EFHD1: variants seen among roughly 807,000 people sequenced by gnomAD.
EFHD1 encodes the protein EF-hand domain-containing protein D1.
A neutral mutation model predicts 17.2 loss-of-function variants in EFHD1; 10 were observed. The ratio of observed to expected loss-of-function variants is 0.58; its 90% confidence interval spans 0.36 to 0.99. The LOEUF (loss-of-function observed/expected upper bound fraction) is 0.99, where lower values mean the gene tolerates loss of function less well. Among genes scored for constraint, EFHD1 ranks in the 50% least tolerant of loss-of-function variants. EFHD1 has a pLI of 0.01. For synonymous variants in EFHD1, 153 were observed against 142.0 expected (o/e 1.08, Z -0.55); for missense variants, 310 against 327.5 (o/e 0.95, Z 0.41).
At chr2:232,637,982 T>A (rs1309310399) in intron 1 of EFHD1, among the ~76,000 whole-genome samples, 1 of 152,110 alleles carries the variant, frequency 6.6e-6, no homozygotes, top group Non-Finnish European at 1.5e-5. Flanking sequence ...TGGTGTGTTG[T>A]AGAAGAAAGA....
chr2:232,613,696 A>G (rs111837495), intron 1 of EFHD1, among the ~76,000 whole-genome samples: 1 of 146,490 alleles, frequency 6.8e-6, no homozygotes, highest in Non-Finnish European at 1.5e-5. Flanking sequence ...ACACAAATAT[A>G]CACACACATA....
intron 1 of EFHD1, among the ~76,000 whole-genome samples, chr2:232,657,324 C>T (rs1294993761): frequency 6.6e-6 from 1 of 152,120 alleles, no homozygotes; most frequent in Non-Finnish European, 1.5e-5. Flanking sequence ...ATGAGGTGCC[C>T]TTTTTGCGAC....
At chr2:232,646,846 C>T (rs1397800422) in intron 1 of EFHD1, among the ~76,000 whole-genome samples, 12 of 152,266 alleles carry the variant, frequency 7.9e-5, no homozygotes, top group Admixed American at 7.2e-4. Flanking sequence ...CCTCTTCCTG[C>T]AGTCCCCACG....
intron 1 of EFHD1, among the ~76,000 whole-genome samples, chr2:232,642,396 AAG>A: frequency 6.6e-6 from 1 of 150,704 alleles, no homozygotes; most frequent in African/African-American, 2.4e-5. Flanking sequence ...AAAAAAAAAA[AAG>A]ACAAATGAGA....
At chr2:232,624,062 C>T (rs976686073) in intron 1 of EFHD1, among the ~76,000 whole-genome samples, 1 of 152,196 alleles carries the variant, frequency 6.6e-6, no homozygotes, top group African/African-American at 2.4e-5. Flanking sequence ...TTCTTATAGC[C>T]ATGCCCAGGG....
upstream of EFHD1, chr2:232,633,395 A>AC: frequency 9.1e-7 from 1 of 1,094,644 alleles, no homozygotes; most frequent in African/African-American, 1.6e-5. Flanking sequence ...TCCCGGGGGG[A>AC]CGGTCAGCCT....
chr2:232,653,829 A>G (rs1336016653), intron 1 of EFHD1, among the ~76,000 whole-genome samples: 1 of 152,034 alleles, frequency 6.6e-6, no homozygotes, highest in Non-Finnish European at 1.5e-5. Context: ...TTTTCCTTCT[A>G]TGGGACTTGC....
chr2:232,606,069 C>T (rs1376946769), exon 1 of EFHD1: 1 of 1,431,264 alleles, frequency 7.0e-7, no homozygotes, highest in Non-Finnish European at 9.6e-7. Flanking sequence ...TAAGTGCAGG[C>T]GGATACCCCG....
chr2:232,665,424 T>G (rs141211169), intron 2 of EFHD1, among the ~76,000 whole-genome samples: 1 of 151,564 alleles, frequency 6.6e-6, no homozygotes, highest in Non-Finnish European at 1.5e-5. Flanking sequence ...TGTATTATAT[T>G]AACTTTTTTT....
rs112428731 is a variant in EFHD1, at chr2:232,646,886, G to A, written c.302+12880G>A. On this transcript the variant is annotated intron_variant, in intron 1 of 3. Transcript: ENST00000264059. The stretch of plus-strand genomic sequence containing the variant: ...GCCCAGGGCTTGGCCCAAGGCCATG[G>A]CAGAGTGGGCACCTTGACCTCTGTG... 4.7e-3 allele frequency among the ~76,000 whole-genome samples: 719 copies of A among 152,360 alleles called. 5 individuals are homozygous for A. Among genetic ancestry groups the A allele is most frequent in the Admixed American group, 7.3e-3 (112 of 15,308 alleles).
At chr2:232,624,736 T>A (rs992924672) in intron 1 of EFHD1, among the ~76,000 whole-genome samples, 1 of 152,228 alleles carries the variant, frequency 6.6e-6, no homozygotes, top group African/African-American at 2.4e-5. Context: ...GGTGAAGTCA[T>A]TGAGGGCTAT....
intron 1 of EFHD1, among the ~76,000 whole-genome samples, chr2:232,651,907 A>C (rs1388392502): frequency 6.6e-6 from 1 of 151,280 alleles, no homozygotes; most frequent in East Asian, 1.9e-4. Flanking sequence ...ATGAGGACTG[A>C]CCTGAAAATC....
At chr2:232,652,419 T>C (rs948734037) in intron 1 of EFHD1, among the ~76,000 whole-genome samples, 2 of 152,136 alleles carry the variant, frequency 1.3e-5, no homozygotes, top group African/African-American at 4.8e-5. Context: ...ACATCGTTCC[T>C]ACTGTACTCG....
intron 1 of EFHD1, among the ~76,000 whole-genome samples, chr2:232,634,738 G>A (rs1289569520): frequency 3.3e-5 from 5 of 152,242 alleles, no homozygotes; most frequent in Non-Finnish European, 7.3e-5. Context: ...CCACCTCGTC[G>A]CCTGGAACCT....
intron 3 of EFHD1, among the ~76,000 whole-genome samples, chr2:232,673,576 C>T (rs1695117486): frequency 6.6e-6 from 1 of 152,166 alleles, no homozygotes; most frequent in African/African-American, 2.4e-5. Flanking sequence ...AACTCTGCTT[C>T]ATCCAGACCC....
At chr2:232,624,637 C>CG (rs1029576156) in intron 1 of EFHD1, among the ~76,000 whole-genome samples, 2 of 152,312 alleles carry the variant, frequency 1.3e-5, no homozygotes, top group Non-Finnish European at 2.9e-5. Context: ...GCAGCCAAGC[C>CG]GGGGAAAGTT....
chr2:232,639,128 A>C (rs1011267984), intron 1 of EFHD1, among the ~76,000 whole-genome samples: 1 of 151,310 alleles, frequency 6.6e-6, no homozygotes, highest in African/African-American at 2.4e-5. Flanking sequence ...CTTCCTCCTC[A>C]TTCCTCGCTC....
Position 232,658,092 on chromosome 2 carries a change from G to A in EFHD1, c.303-4710G>A, listed in dbSNP as rs571496544. ...ATTTTTTTGTATTTTTAGTAGAGAC[G>A]GGGTTTCACCATGTTGGTCAGGCTG... On this transcript the variant is annotated intron_variant, in intron 1 of 3. Coordinates refer to ENST00000264059, the MANE Select transcript of EFHD1 (RefSeq NM_025202.4). Among the ~76,000 whole-genome samples the A allele has an allele frequency of 5.9e-5, 9 of 151,366 alleles. No homozygotes were observed. In the South Asian group the frequency reaches 1.7e-3, roughly 28 times the overall value.
At chr2:232,637,108 T>C (rs1694331977) in intron 1 of EFHD1, among the ~76,000 whole-genome samples, 1 of 152,170 alleles carries the variant, frequency 6.6e-6, no homozygotes, top group Non-Finnish European at 1.5e-5. Flanking sequence ...AACAGAAGTA[T>C]ATCCTCTCAT....
Sources: allele counts gnomAD v4.1 joint callset (sites outside exome capture counted in the v4.1 genomes callset), GRCh38; gene constraint gnomAD v4.1.1; transcripts MANE v1.5; gene names NCBI Gene and HGNC (gene_info 2026-07-23, HGNC 2026-07-21).